The following RBFOX1 variants were observed in gnomAD, a reference collection of about 807,000 sequenced individuals.
The protein encoded by RBFOX1 is RNA binding protein fox-1 homolog 1.
A neutral mutation model predicts 57.7 loss-of-function variants in RBFOX1; 8 were observed. That is an observed-to-expected ratio of 0.14 (90% confidence interval 0.08 to 0.25). RBFOX1 has a LOEUF of 0.25. RBFOX1 is among the 10% of genes least tolerant of loss of function. The probability of loss-of-function intolerance (pLI) is 1.00; values close to 1 mark genes in which losing one functional copy is unlikely to be tolerated. For missense variants in RBFOX1, 611 were observed against 548.5 expected (o/e 1.11, Z -1.14); for synonymous variants, 326 against 222.4 (o/e 1.47, Z -4.15).
chr16:6,608,637 A>G (rs902891366), intron 2 of RBFOX1, among the ~76,000 whole-genome samples: 24 of 152,176 alleles, frequency 1.6e-4, no homozygotes, highest in Non-Finnish European at 2.8e-4. Flanking sequence ...AAAATTAACT[A>G]GTCATGGCGG....
intron 3 of RBFOX1, among the ~76,000 whole-genome samples, chr16:5,665,691 C>G (rs984226050): frequency 4.6e-5 from 7 of 152,194 alleles, no homozygotes; most frequent in Non-Finnish European, 8.8e-5. Flanking sequence ...TTCCCTCTAA[C>G]TGTTTCTCCA....
At chr16:5,324,271 C>T (rs762759098) in intron 1 of RBFOX1, among the ~76,000 whole-genome samples, 9 of 152,010 alleles carry the variant, frequency 5.9e-5, no homozygotes, top group Non-Finnish European at 1.0e-4. Flanking sequence ...GAAACCAGCC[C>T]GGCCAACATG....
intron 4 of RBFOX1, among the ~76,000 whole-genome samples, chr16:7,454,182 G>A (rs1000697731): frequency 2.4e-4 from 37 of 152,184 alleles, no homozygotes; most frequent in African/African-American, 7.5e-4. Context: ...CCAGTGAGCC[G>A]AAATCATGCC....
At chr16:7,423,301 A>G (rs1214402495) in intron 4 of RBFOX1, among the ~76,000 whole-genome samples, 1 of 151,948 alleles carries the variant, frequency 6.6e-6, no homozygotes, top group East Asian at 1.9e-4. Flanking sequence ...CTGATTAGGT[A>G]TTTTCTCACC....
intron 2 of RBFOX1, among the ~76,000 whole-genome samples, chr16:5,570,010 CT>C (rs2046224408): frequency 6.6e-6 from 1 of 152,292 alleles, no homozygotes; most frequent in Admixed American, 6.5e-5. Flanking sequence ...GGAGTTTAGA[CT>C]TTATCAGCCC....
chr16:6,263,545 C>T (rs1283750998), intron 1 of RBFOX1, among the ~76,000 whole-genome samples: 1 of 152,128 alleles, frequency 6.6e-6, no homozygotes, highest in Non-Finnish European at 1.5e-5. Flanking sequence ...AATCTGTCTT[C>T]CATTCTGACA....
intron 3 of RBFOX1, among the ~76,000 whole-genome samples, chr16:6,718,787 A>T (rs554584146): frequency 4.8e-4 from 73 of 152,192 alleles, no homozygotes; most frequent in African/African-American, 1.7e-3. Flanking sequence ...AACTAGGTTG[A>T]CTCCAGTCTC....
chr16:7,196,064 A>T lies in RBFOX1; in HGVS notation c.27+143966A>T, dbSNP rs539339128. On this transcript the variant is annotated intron_variant, in intron 4 of 15. Transcript: ENST00000550418. ...TCCCAGCCTCCCATAGGGAGTTTTAATTATTATTATTATTGTTATTATTAT... is the reference window on the plus strand; with the variant it reads ...TCCCAGCCTCCCATAGGGAGTTTTATTTATTATTATTATTGTTATTATTAT... Among the ~76,000 whole-genome samples the T allele has an allele frequency of 2.3e-3, 351 of 151,920 alleles. 1 individual carries two copies. Among genetic ancestry groups the T allele is most frequent in the Non-Finnish European group, 2.3e-3 (154 of 67,970 alleles).
At chr16:7,508,323 C>T (rs1450126694) in intron 4 of RBFOX1, among the ~76,000 whole-genome samples, 1 of 152,088 alleles carries the variant, frequency 6.6e-6, no homozygotes, top group Non-Finnish European at 1.5e-5. Context: ...TGCGTTATTC[C>T]CTAGGACATT....
chr16:7,407,029 C>G (rs1342460873), intron 4 of RBFOX1, among the ~76,000 whole-genome samples: 2 of 152,106 alleles, frequency 1.3e-5, no homozygotes, highest in African/African-American at 2.4e-5. Flanking sequence ...CTAAGATAAT[C>G]AAAGATAATC....
chr16:7,504,741 A>ATTTT (rs1296557740), intron 4 of RBFOX1, among the ~76,000 whole-genome samples: 1 of 10,274 alleles, frequency 9.7e-5, no homozygotes, highest in African/African-American at 2.9e-4. Context: ...ATATATATAT[A>ATTTT]TATATATATA....
intron 3 of RBFOX1, among the ~76,000 whole-genome samples, chr16:6,825,511 A>C (rs1245039930): frequency 6.6e-6 from 1 of 152,290 alleles, no homozygotes; most frequent in African/African-American, 2.4e-5. Context: ...CACAAAATGA[A>C]TCTCACTTTT....
chr16:6,930,698 C>G (rs1467666505), intron 3 of RBFOX1, among the ~76,000 whole-genome samples: 1 of 152,212 alleles, frequency 6.6e-6, no homozygotes, highest in Non-Finnish European at 1.5e-5. Flanking sequence ...GTGTTAGCCC[C>G]TGTGCCTGGC....
At chr16:7,547,768 C>G (rs536895513) in intron 5 of RBFOX1, among the ~76,000 whole-genome samples, 1 of 152,320 alleles carries the variant, frequency 6.6e-6, no homozygotes, top group African/African-American at 2.4e-5. Flanking sequence ...TTGTATAGTT[C>G]TTTGCTATTG....
intron 11 of RBFOX1, among the ~76,000 whole-genome samples, chr16:7,633,758 T>C (rs958891270): frequency 2.5e-4 from 38 of 152,192 alleles, no homozygotes; most frequent in Non-Finnish European, 1.8e-4. Flanking sequence ...TTATTTCTGT[T>C]TGCAGGCTGT....
chr16:6,067,580 T>A (rs370331634), intron 1 of RBFOX1, among the ~76,000 whole-genome samples: 1 of 152,128 alleles, frequency 6.6e-6, no homozygotes, highest in Non-Finnish European at 1.5e-5. Flanking sequence ...GAGAGAGAGA[T>A]TTTTTGTTTC....
chr16:6,462,443 C>G (rs1034129617), intron 2 of RBFOX1, among the ~76,000 whole-genome samples: 5 of 152,238 alleles, frequency 3.3e-5, no homozygotes, highest in Non-Finnish European at 2.9e-5. Flanking sequence ...ACTCCTTTTA[C>G]ATATCTGCAT....
At chr16:7,359,874 C>A (rs1040667286) in intron 4 of RBFOX1, among the ~76,000 whole-genome samples, 1 of 152,044 alleles carries the variant, frequency 6.6e-6, no homozygotes, top group Non-Finnish European at 1.5e-5. Context: ...GTCCCAGCTG[C>A]TGGGGAGGCT....
chr16:7,605,654 A>G (rs1436931864), intron 9 of RBFOX1, among the ~76,000 whole-genome samples: 2 of 152,188 alleles, frequency 1.3e-5, no homozygotes, highest in African/African-American at 4.8e-5. Flanking sequence ...TTCGGGCAGA[A>G]AATCACACCT....
Sources: allele counts gnomAD v4.1 joint callset (sites outside exome capture counted in the v4.1 genomes callset), GRCh38; gene constraint gnomAD v4.1.1; transcripts MANE v1.5; gene names NCBI Gene and HGNC (gene_info 2026-07-23, HGNC 2026-07-21).